The following FBXO34 variants were observed in gnomAD, a reference collection of about 807,000 sequenced individuals.
FBXO34 encodes the protein F-box protein 34.
Under a neutral mutation model 24.5 loss-of-function variants are expected in FBXO34, and 12 were observed. That is an observed-to-expected ratio of 0.49 (90% CI 0.31 to 0.79). FBXO34 has a LOEUF of 0.79. Among genes scored for constraint, FBXO34 ranks in the 30% least tolerant of loss-of-function variants. FBXO34 has a pLI of 0.04. For synonymous variants in FBXO34, 320 were observed against 311.9 expected (o/e 1.03, Z -0.27); for missense variants, 823 against 857.7 (o/e 0.96, Z 0.51).
rs79204462 is a variant in FBXO34, at chr14:55,329,454, T to C, written c.-10-20927T>C. 4.9e-3 allele frequency among the ~76,000 whole-genome samples: 749 copies of C among 152,312 alleles called. 5 individuals carry two copies. The highest frequency in any genetic ancestry group is 7.7e-3 in the Non-Finnish European group (522 of 68,020). On this transcript the variant is annotated intron_variant, in intron 1 of 1. Transcript: ENST00000313833. ...TTAGAAAGTTAAAAATGCATTCAATTGTTTCACCTGAAGAAAGTGTGTAAT... is the reference window on the plus strand; with the variant it reads ...TTAGAAAGTTAAAAATGCATTCAATCGTTTCACCTGAAGAAAGTGTGTAAT...
chr14:55,282,055 G>T (rs1475239716), intron 1 of FBXO34, among the ~76,000 whole-genome samples: 2 of 133,518 alleles, frequency 1.5e-5, no homozygotes, highest in Non-Finnish European at 3.0e-5. Flanking sequence ...GGAGTGCAGT[G>T]GCACGATCTC....
chr14:55,382,015 T>A, the FBXO34 span: 27 of 1,614,080 alleles, frequency 1.7e-5, no homozygotes, highest in Non-Finnish European at 2.1e-5. Flanking sequence ...GGCAGAGTAG[T>A]CCCCATTGTT....
chr14:55,387,603 C>A, the FBXO34 span, among the ~76,000 whole-genome samples: 1 of 152,116 alleles, frequency 6.6e-6, no homozygotes, highest in Non-Finnish European at 1.5e-5. Flanking sequence ...GGGTCCAAAC[C>A]ACCCTCCCAC....
chr14:55,440,385 G>C, the FBXO34 span: 3 of 1,612,976 alleles, frequency 1.9e-6, no homozygotes, highest in South Asian at 1.1e-5. Flanking sequence ...GGACAGTGGC[G>C]GCAGCCTCAC....
At chr14:55,327,958 A>C (rs1378063245) in intron 1 of FBXO34, among the ~76,000 whole-genome samples, 6 of 92,546 alleles carry the variant, frequency 6.5e-5, no homozygotes, top group Non-Finnish European at 9.7e-5. Context: ...ACAGACTCCC[A>C]CTCCATCACC....
the FBXO34 span, among the ~76,000 whole-genome samples, chr14:55,438,429 G>GA: frequency 6.6e-6 from 1 of 152,252 alleles, no homozygotes. Context: ...AGTGGCCTAA[G>GA]AAAAGTGAGA....
At chr14:55,298,891 C>G (rs144571523) in intron 1 of FBXO34, 3 of 1,596,354 alleles carry the variant, frequency 1.9e-6, no homozygotes, top group Non-Finnish European at 2.6e-6. Context: ...CAGCAGCAGG[C>G]CCTGGAGAAT....
the FBXO34 span, chr14:55,428,858 C>G: frequency 1.9e-6 from 3 of 1,614,206 alleles, no homozygotes. Flanking sequence ...GATGGGAAAT[C>G]TCACATCACA....
At chr14:55,374,804 T>G (rs1468678665), downstream of FBXO34, among the ~76,000 whole-genome samples, 1 of 152,244 alleles carries the variant, frequency 6.6e-6, no homozygotes, top group African/African-American at 2.4e-5. Flanking sequence ...ATCATAAGAT[T>G]ATATTTCCAC....
At chr14:55,436,497 A>G in the FBXO34 span, 1 of 1,377,440 alleles carries the variant, frequency 7.3e-7, no homozygotes, top group Non-Finnish European at 1.0e-6. Context: ...ATTAGTTGTC[A>G]TCGCATTCAG....
chr14:55,312,722 C>T (rs1192522925), intron 1 of FBXO34, among the ~76,000 whole-genome samples: 1 of 152,252 alleles, frequency 6.6e-6, no homozygotes, highest in Admixed American at 6.5e-5. Context: ...ATGGCCTGAG[C>T]TGTACGTTGC....
chr14:55,327,396 C>A (rs28568813), intron 1 of FBXO34, among the ~76,000 whole-genome samples: 1 of 152,090 alleles, frequency 6.6e-6, no homozygotes, highest in African/African-American at 2.4e-5. Flanking sequence ...GATCACTCTG[C>A]CTGCGGAGTT....
chr14:55,370,166 A>T (rs1171609155), downstream of FBXO34, among the ~76,000 whole-genome samples: 3 of 152,184 alleles, frequency 2.0e-5, no homozygotes, highest in African/African-American at 4.8e-5. Context: ...TGCCTACTTC[A>T]TTGGTGATGA....
the FBXO34 span, among the ~76,000 whole-genome samples, chr14:55,419,280 C>G: frequency 6.6e-6 from 1 of 152,172 alleles, no homozygotes; most frequent in African/African-American, 2.4e-5. Context: ...GGTGAGGAAA[C>G]TTAGGTATAA....
At chr14:55,429,369 G>A in the FBXO34 span, among the ~76,000 whole-genome samples, 2 of 152,234 alleles carry the variant, frequency 1.3e-5, no homozygotes, top group African/African-American at 4.8e-5. Flanking sequence ...AACTCTGGGG[G>A]TGGGGCCGAG....
chr14:55,412,045 A>G, the FBXO34 span, among the ~76,000 whole-genome samples: 11 of 152,240 alleles, frequency 7.2e-5, no homozygotes, highest in African/African-American at 2.7e-4. Context: ...CTAGTCGGCC[A>G]AACAAAATGT....
intron 1 of FBXO34, among the ~76,000 whole-genome samples, chr14:55,297,340 A>G (rs1882173940): frequency 2.0e-5 from 3 of 152,186 alleles, no homozygotes; most frequent in Admixed American, 6.5e-5. Context: ...TCAGATTGCT[A>G]GGGTTCACAT....
the FBXO34 span, among the ~76,000 whole-genome samples, chr14:55,430,310 A>G: frequency 6.6e-6 from 1 of 151,012 alleles, no homozygotes; most frequent in African/African-American, 2.4e-5. Context: ...TCTCTTATCC[A>G]GATCCTTCAC....
chr14:55,424,298 C>T, the FBXO34 span: 1 of 1,288,896 alleles, frequency 7.8e-7, no homozygotes, highest in Non-Finnish European at 1.1e-6. Flanking sequence ...CACTATTCAG[C>T]TCCTTTCCCA....
Sources: gnomAD v4.1 joint callset for allele counts (sites outside exome capture counted in the v4.1 genomes callset) on GRCh38, gnomAD v4.1.1 for gene constraint, MANE v1.5 for transcripts, NCBI Gene and HGNC (gene_info 2026-07-23, HGNC 2026-07-21) for gene names.